DLGAP2: variants seen among roughly 807,000 people sequenced by gnomAD.
The protein encoded by DLGAP2 is disks large-associated protein 2.
DLGAP2 carries 26 observed loss-of-function variants against 100.3 expected under a neutral mutation model. The ratio of observed to expected loss-of-function variants is 0.26; its 90% CI spans 0.19 to 0.36. The LOEUF (loss-of-function observed/expected upper bound fraction) is 0.36, where lower values mean the gene tolerates loss of function less well. Ranked by LOEUF, DLGAP2 falls within the 10% of genes least tolerant of loss-of-function variation. The pLI is 1.00. For missense variants in DLGAP2, 1,858 were observed against 1,453.2 expected (o/e 1.28, Z -4.53); for synonymous variants, 886 against 630.1 (o/e 1.41, Z -6.08).
intron 3 of DLGAP2, among the ~76,000 whole-genome samples, chr8:1,466,197 C>T (rs1798621284): frequency 1.3e-5 from 2 of 152,180 alleles, no homozygotes; most frequent in South Asian, 4.1e-4. Context: ...GTCAAACCGA[C>T]AGTAAAATAA....
At chr8:1,252,693 G>A (rs1019249845) in intron 2 of DLGAP2, among the ~76,000 whole-genome samples, 2 of 152,240 alleles carry the variant, frequency 1.3e-5, no homozygotes, top group African/African-American at 2.4e-5. Flanking sequence ...CGAGGCCGCC[G>A]GGTGTCATGG....
chr8:986,117 A>G (rs1465318791), intron 2 of DLGAP2, among the ~76,000 whole-genome samples: 2 of 152,054 alleles, frequency 1.3e-5, no homozygotes, highest in African/African-American at 4.8e-5. Context: ...CTGGTTGGGA[A>G]GAAGTTTCTG....
At chr8:800,604 G>A (rs1376721401) in intron 1 of DLGAP2, among the ~76,000 whole-genome samples, 2 of 152,154 alleles carry the variant, frequency 1.3e-5, no homozygotes, top group Non-Finnish European at 2.9e-5. Flanking sequence ...GCACCTGCAT[G>A]TGTGTGTGTA....
At chr8:1,542,669 T>C (rs1008762502) in intron 4 of DLGAP2, among the ~76,000 whole-genome samples, 1 of 152,216 alleles carries the variant, frequency 6.6e-6, no homozygotes, top group Non-Finnish European at 1.5e-5. Flanking sequence ...GTCTCCACTT[T>C]TTGGCAACTA....
chr8:1,157,725 C>G lies in DLGAP2; in HGVS notation c.74-101126C>G, dbSNP rs145872599. Among the ~76,000 whole-genome samples, 449 of 152,304 alleles carry G rather than the reference C, an allele frequency of 2.9e-3. 1 individual carries two copies. Among genetic ancestry groups the G allele is most frequent in the African/African-American group, 9.7e-3 (405 of 41,568 alleles). On this transcript the variant is annotated intron_variant, in intron 2 of 14. Coordinates refer to ENST00000637795, the MANE Select transcript of DLGAP2 (RefSeq NM_001346810.2). ...ATAAAAATAACACATGGCACCATGACAAGAGAACGTCAGCCACCCACCTAT... is the reference window on the plus strand; with the variant it reads ...ATAAAAATAACACATGGCACCATGAGAAGAGAACGTCAGCCACCCACCTAT...
chr8:1,292,541 G>C (rs1024161100), intron 3 of DLGAP2, among the ~76,000 whole-genome samples: 17 of 152,270 alleles, frequency 1.1e-4, no homozygotes, highest in African/African-American at 4.1e-4. Context: ...TTATACCTTT[G>C]TTAATAACTT....
intron 2 of DLGAP2, among the ~76,000 whole-genome samples, chr8:951,085 A>G (rs940050728): frequency 1.3e-5 from 2 of 152,104 alleles, no homozygotes; most frequent in East Asian, 1.9e-4. Context: ...ACTACATTCT[A>G]TTTTTTTAAC....
chr8:1,491,130 G>C (rs1234414525), intron 3 of DLGAP2, among the ~76,000 whole-genome samples: 4 of 68,116 alleles, frequency 5.9e-5, no homozygotes, highest in Admixed American at 4.5e-4. Flanking sequence ...CAGAGCAAAA[G>C]AAAAAAAAAA....
intron 5 of DLGAP2, among the ~76,000 whole-genome samples, chr8:1,556,666 T>C (rs562239878): frequency 6.6e-6 from 1 of 152,282 alleles, no homozygotes; most frequent in South Asian, 2.1e-4. Flanking sequence ...AGTTATCCCT[T>C]GTCTGTCTTG....
At chr8:1,523,910 GC>G (rs1268628871) in intron 4 of DLGAP2, among the ~76,000 whole-genome samples, 2 of 152,166 alleles carry the variant, frequency 1.3e-5, no homozygotes, top group Non-Finnish European at 2.9e-5. Flanking sequence ...AAAGTTCAGG[GC>G]CTGAGATAAT....
intron 2 of DLGAP2, among the ~76,000 whole-genome samples, chr8:1,032,336 G>C (rs1463254123): frequency 6.6e-6 from 1 of 152,236 alleles, no homozygotes; most frequent in African/African-American, 2.4e-5. Flanking sequence ...CCCTGGGACA[G>C]TGCCGTCTGC....
chr8:884,922 G>T (rs561861270), intron 1 of DLGAP2, among the ~76,000 whole-genome samples: 3 of 152,298 alleles, frequency 2.0e-5, no homozygotes, highest in East Asian at 3.9e-4. Flanking sequence ...TGTCAGGTTT[G>T]TTGAAGACCA....
intron 2 of DLGAP2, among the ~76,000 whole-genome samples, chr8:1,217,239 C>A (rs981820206): frequency 6.6e-6 from 1 of 152,152 alleles, no homozygotes; most frequent in Non-Finnish European, 1.5e-5. Flanking sequence ...TGTTAGTTTG[C>A]TTAGGATAAT....
chr8:1,415,781 T>C (rs955508060), intron 3 of DLGAP2, among the ~76,000 whole-genome samples: 1 of 152,238 alleles, frequency 6.6e-6, no homozygotes. Flanking sequence ...GCAGTGAACA[T>C]ACATGTGTCA....
chr8:1,249,708 G>A (rs1798994153), intron 2 of DLGAP2, among the ~76,000 whole-genome samples: 1 of 152,100 alleles, frequency 6.6e-6, no homozygotes, highest in African/African-American at 2.4e-5. Flanking sequence ...GCAGCATTGA[G>A]TTTCATAGAT....
At chr8:1,223,679 C>A (rs2116817344) in intron 2 of DLGAP2, among the ~76,000 whole-genome samples, 1 of 152,260 alleles carries the variant, frequency 6.6e-6, no homozygotes, top group Non-Finnish European at 1.5e-5. Context: ...AAGGGAAGAG[C>A]AAGACTTGTC....
intron 2 of DLGAP2, among the ~76,000 whole-genome samples, chr8:1,211,633 TG>T (rs1798106008): frequency 6.6e-6 from 1 of 152,142 alleles, no homozygotes; most frequent in Non-Finnish European, 1.5e-5. Flanking sequence ...CCCAGCACTT[TG>T]GGAGGCCAAG....
intron 6 of DLGAP2, among the ~76,000 whole-genome samples, chr8:1,600,766 A>G (rs975607308): frequency 2.6e-5 from 4 of 152,150 alleles, no homozygotes; most frequent in Admixed American, 1.3e-4. Context: ...TCTAGTTAGC[A>G]ATTCCTGTAA....
Position 1,392,889 on chromosome 8 carries a change from GT to G in DLGAP2, c.107-108467del, listed in dbSNP as rs1193752112. On this transcript the variant is annotated intron_variant, in intron 3 of 14. Transcript: ENST00000637795. The stretch of plus-strand genomic sequence containing the variant: ...TGTCTTTGTTAAATGTGACGTTTCT[GT>G]TTTTTTTTTGAGACGGAGTCTCTGT... Among the ~76,000 whole-genome samples, 27 of 129,310 alleles carry G rather than the reference GT, an allele frequency of 2.1e-4. No homozygotes were observed. In the Middle Eastern group the frequency reaches 0.012, roughly 57 times the overall value. The allele number at this position is 129,310 out of a possible 152,430, so 84.8% of individuals were successfully genotyped here.
Sources: allele counts gnomAD v4.1 joint callset (sites outside exome capture counted in the v4.1 genomes callset), GRCh38; gene constraint gnomAD v4.1.1; transcripts MANE v1.5; gene names NCBI Gene and HGNC (gene_info 2026-07-23, HGNC 2026-07-21).